Variants in CLIP1 observed in about 807,000 individuals in gnomAD.
CLIP1 encodes CAP-Gly domain containing linker protein 1, also known as CAP-Gly domain-containing linker protein 1.
Under a neutral mutation model 161.6 loss-of-function variants are expected in CLIP1, and 66 were observed. That is an observed-to-expected ratio of 0.41 (90% confidence interval 0.33 to 0.50). CLIP1 has a LOEUF of 0.50. CLIP1 is among the 20% of genes least tolerant of loss of function. The pLI is 0.27. For synonymous variants in CLIP1, 598 were observed against 626.2 expected, an observed-to-expected ratio of 0.96 and a Z score of 0.67; for missense variants, 1,376 against 1,702.0, an observed-to-expected ratio of 0.81 and a Z score of 3.37.
intron 1 of CLIP1, among the ~76,000 whole-genome samples, chr12:122,417,210 C>T (rs961706580): frequency 1.3e-5 from 2 of 151,710 alleles, no homozygotes; most frequent in South Asian, 4.2e-4. Flanking sequence ...GCAGGAGAAT[C>T]GCTTGAACCT....
intron 5 of CLIP1, among the ~76,000 whole-genome samples, chr12:122,358,636 T>A (rs1303135906): frequency 6.6e-6 from 1 of 151,952 alleles, no homozygotes; most frequent in Non-Finnish European, 1.5e-5. Flanking sequence ...AAATTGGGTA[T>A]ATATTTCATA....
At position 122,346,949 on chromosome 12, in the gene CLIP1, A is replaced by C. The variant is rs114623027; in HGVS notation, c.1506+426T>G. On this transcript the variant is annotated intron_variant, in intron 10 of 25. Transcript: ENST00000620786. ...CATTTCCTTCTCCAAGAGGCCAGGG[A>C]AGAAGGCAGGAAGAGAGCTAAAGTA... Among the ~76,000 whole-genome samples the C allele has an allele frequency of 2.8e-3, 425 of 152,350 alleles. 2 individuals are homozygous for C. The highest frequency in any genetic ancestry group is 9.8e-3 in the African/African-American group (408 of 41,580).
chr12:122,421,467 G>A (rs1038300563), intron 1 of CLIP1, among the ~76,000 whole-genome samples: 2 of 152,100 alleles, frequency 1.3e-5, no homozygotes, highest in Non-Finnish European at 2.9e-5. Flanking sequence ...AGTGGCCACA[G>A]CACTTAATAC....
intron 20 of CLIP1, among the ~76,000 whole-genome samples, chr12:122,291,709 G>A (rs1209312897): frequency 2.0e-5 from 3 of 151,996 alleles, no homozygotes; most frequent in Admixed American, 6.6e-5. Context: ...GGTTAACTTC[G>A]GTCACTTGGT....
rs1351447200 is a variant in CLIP1, at chr12:122,366,208, G to A, written c.658-2101C>T. Among the ~76,000 whole-genome samples the A allele has an allele frequency of 2.6e-5, 4 of 151,554 alleles. No homozygotes were observed. In the East Asian group the frequency reaches 5.8e-4, roughly 22 times the overall value. On this transcript the variant is annotated intron_variant, in intron 3 of 25. Transcript: ENST00000620786. ...TGTAGTCCCAGCTACTTGGGAGGCT[G>A]AGGCACAAGAATAACTTGCACCCGG...
At position 122,412,069 on chromosome 12, in the gene CLIP1, T is replaced by C. The variant is rs531674429; in HGVS notation, c.-107+10452A>G. On this transcript the variant is annotated intron_variant, in intron 1 of 25. Transcript: ENST00000620786. ...TACAACCAGTTATTTTCTTTTTTTT[T>C]TTTTTTTTTTTTTTTAAGAGACAGG... 2.3e-3 allele frequency among the ~76,000 whole-genome samples: 340 copies of C among 145,336 alleles called. 1 individual carries two copies. The highest frequency in any genetic ancestry group is 8.2e-3 in the African/African-American group (323 of 39,414).
Position 122,352,556 on chromosome 12 carries a change from A to G in CLIP1, c.1368+170T>C, listed in dbSNP as rs575172652. Among the ~76,000 whole-genome samples the G allele has an allele frequency of 2.0e-5, 3 of 151,972 alleles. No individual in the cohort carries two copies. In the East Asian group the frequency reaches 5.8e-4, roughly 29 times the overall value. ...CACTCTGCTAGGAAGTGGGCCACAC[A>G]CTCACAGGCTCAAGTACCGGCACCG... is the stretch of plus-strand genomic sequence containing the variant. On this transcript the variant is annotated intron_variant, in intron 8 of 25. Transcript: ENST00000620786.
chr12:122,347,219 C>T (rs116190088), intron 10 of CLIP1, among the ~76,000 whole-genome samples, 156 bp downstream of exon 10: 2,509 of 152,330 alleles, frequency 0.016, 73 homozygotes, highest in African/African-American at 0.052. Context: ...CCTGTTCCTA[C>T]TCATCAGTCT....
At chr12:122,316,719 A>T in intron 19 of CLIP1, 30 bp downstream of exon 19, 2 of 1,262,638 alleles carry the variant, frequency 1.6e-6, no homozygotes, top group South Asian at 2.8e-5. Context: ...AATAAATTCC[A>T]TATTTTTTTC....
intron 2 of CLIP1, among the ~76,000 whole-genome samples, chr12:122,379,551 C>T (rs772800053): frequency 2.8e-4 from 42 of 150,516 alleles, no homozygotes; most frequent in Non-Finnish European, 4.9e-4. Context: ...CCAGCCTGGG[C>T]GACAGAGTGA....
intron 3 of CLIP1, among the ~76,000 whole-genome samples, chr12:122,376,583 C>T (rs988770930): frequency 6.6e-6 from 1 of 151,928 alleles, no homozygotes; most frequent in Non-Finnish European, 1.5e-5. Context: ...TCTCTTGCCT[C>T]AGCCTCCCGA....
intron 1 of CLIP1, 44 bp from the exon 2 acceptor site, chr12:122,380,602 C>A: frequency 2.1e-6 from 1 of 477,520 alleles, no homozygotes; most frequent in East Asian, 3.4e-5. Flanking sequence ...TCTACAGGAG[C>A]AAGTAGGAAC....
intron 20 of CLIP1, among the ~76,000 whole-genome samples, chr12:122,305,336 C>G (rs956008245): frequency 6.6e-6 from 1 of 152,180 alleles, no homozygotes; most frequent in Admixed American, 6.5e-5. Context: ...GAGCCTGAGG[C>G]TGAAGGATCC....
chr12:122,386,648 A>ACAATCTCT (rs1955272365), intron 1 of CLIP1, among the ~76,000 whole-genome samples: 1 of 152,174 alleles, frequency 6.6e-6, no homozygotes, highest in Non-Finnish European at 1.5e-5. Context: ...TTTATAAACT[A>ACAATCTCT]CAATCTCTCA....
chr12:122,334,015 A>G lies in CLIP1; in HGVS notation c.2710+12T>C. 6.4e-7 allele frequency: 1 copy of G among 1,550,620 alleles called. No homozygotes were observed. ...TGTATTTAATGTTTAGTCACCAGAG[A>G]TGTCTTCTTACCTGCTAAGTTTTCT... is the stretch of plus-strand genomic sequence containing the variant. On this transcript the variant is annotated intron_variant, in intron 14 of 25. Coordinates refer to ENST00000620786, the MANE Select transcript of CLIP1 (RefSeq NM_001247997.2).
intron 10 of CLIP1, among the ~76,000 whole-genome samples, chr12:122,344,777 T>C (rs1400297595): frequency 6.6e-6 from 1 of 152,206 alleles, no homozygotes; most frequent in Non-Finnish European, 1.5e-5. Flanking sequence ...AGCACACTGT[T>C]TGGAAACTGG....
intron 21 of CLIP1, among the ~76,000 whole-genome samples, chr12:122,281,620 G>A (rs1475533282): frequency 2.6e-5 from 4 of 151,838 alleles, no homozygotes; most frequent in African/African-American, 4.8e-5. Context: ...GGCTTGAGGC[G>A]GGAGGATGGC....
chr12:122,334,726 A>C, intron 12 of CLIP1, 21 bp from the exon 13 acceptor site: 1 of 1,457,606 alleles, frequency 6.9e-7, no homozygotes, highest in Non-Finnish European at 9.5e-7. Flanking sequence ...AGAATGAGAG[A>C]TTCTGAACAG....
chr12:122,358,858 C>T (rs1379655333), intron 5 of CLIP1, among the ~76,000 whole-genome samples: 3 of 151,854 alleles, frequency 2.0e-5, no homozygotes, highest in Admixed American at 6.6e-5. Flanking sequence ...GTCAGGTGTT[C>T]GAGACTGGCC....
Sources: allele counts gnomAD v4.1 joint callset (sites outside exome capture counted in the v4.1 genomes callset), GRCh38; gene constraint gnomAD v4.1.1; transcripts MANE v1.5; gene names NCBI Gene and HGNC (gene_info 2026-07-23, HGNC 2026-07-21).